The following LRRC9 variants were observed in gnomAD, a reference collection of about 807,000 sequenced individuals.
The protein encoded by LRRC9 is leucine rich repeat containing 9.
LRRC9 carries 122 observed loss-of-function variants against 63.2 expected under a neutral mutation model. That is an observed-to-expected ratio of 1.93 (90% CI 1.67 to 2.24). The LOEUF is 2.24. Among genes scored for constraint, LRRC9 ranks in the 30% most tolerant of loss-of-function variants. The pLI is 0.00. For synonymous variants in LRRC9, 366 were observed against 213.1 expected, an observed-to-expected ratio of 1.72 and a Z score of -6.25; for missense variants, 1,071 against 627.7, an observed-to-expected ratio of 1.71 and a Z score of -7.55.
chr14:60,018,778 C>T (rs192503082), intron 25 of LRRC9, among the ~76,000 whole-genome samples: 20 of 151,846 alleles, frequency 1.3e-4, no homozygotes, highest in Admixed American at 1.1e-3. Context: ...TTATTGCCTC[C>T]GTTATTATTT....
chr14:59,982,169 A>G, intron 16 of LRRC9, 109 bp downstream of exon 16: 1 of 609,680 alleles, frequency 1.6e-6, no homozygotes, highest in Non-Finnish European at 2.9e-6. Context: ...GATGCCAGGT[A>G]CAATGCTACC....
At chr14:60,033,687 T>C (rs2140336868) in intron 29 of LRRC9, among the ~76,000 whole-genome samples, 1 of 152,274 alleles carries the variant, frequency 6.6e-6, no homozygotes. Flanking sequence ...TCTGTATCCA[T>C]GGAAATAAGT....
chr14:60,032,923 C>T (rs531991163), intron 29 of LRRC9, among the ~76,000 whole-genome samples: 135 of 152,070 alleles, frequency 8.9e-4, no homozygotes, highest in African/African-American at 3.0e-3. Flanking sequence ...GCTACTTCCA[C>T]CAAGAAGGAA....
Position 59,974,584 on chromosome 14 carries a change from C to CA in LRRC9, c.1521dup (p.Glu508ArgfsTer7). On this transcript the variant is annotated frameshift_variant, in exon 13 of 32. Coordinates refer to ENST00000445360, the Ensembl canonical transcript of LRRC9. LOFTEE classifies it high-confidence loss of function. ...TTGTTTTTTCTTTGCAGCTGCCTCT[C>CA]AAAAAAGAAGCCATCATTGTTTCTA... 1.6e-6 allele frequency: 1 copy of CA among 643,612 alleles called. No homozygotes were observed. Among genetic ancestry groups the CA allele is most frequent in the South Asian group, 1.8e-5 (1 of 56,884 alleles). The allele number at this position is 643,612 out of a possible 1,614,324, so 39.9% of individuals were successfully genotyped here.
intron 30 of LRRC9, among the ~76,000 whole-genome samples, chr14:60,056,500 A>G (rs968711053): frequency 6.6e-6 from 1 of 152,202 alleles, no homozygotes; most frequent in African/African-American, 2.4e-5. Flanking sequence ...TCTATTTATC[A>G]TATAGTGAAC....
At position 60,058,177 on chromosome 14, in the gene LRRC9, CAG is replaced by C. The variant is rs1894419399; in HGVS notation, c.4276+159_4276+160del. 6.6e-6 allele frequency among the ~76,000 whole-genome samples: 1 copy of C among 152,052 alleles called. No homozygotes were observed. The highest frequency in any genetic ancestry group is 1.5e-5 in the Non-Finnish European group (1 of 67,974). On this transcript the variant is annotated intron_variant, in intron 31 of 31. Coordinates refer to ENST00000445360, the Ensembl canonical transcript of LRRC9. The surrounding 1 kb of genome is among the most constrained non-coding windows in gnomAD (Gnocchi z 4.4). The stretch of plus-strand genomic sequence containing the variant: ...AAGTTTCCTATGGCCATTTTGATTT[CAG>C]AGATTATAGTTTTATTATTTTTAGT...
chr14:60,054,130 G>A, intron 30 of LRRC9: 1 of 273,128 alleles, frequency 3.7e-6, no homozygotes, highest in South Asian at 3.6e-5. Context: ...TCTCCTAACA[G>A]GCTTTCACTG....
intron 13 of LRRC9, among the ~76,000 whole-genome samples, chr14:59,975,752 G>A (rs943297062): frequency 3.3e-5 from 5 of 152,148 alleles, no homozygotes; most frequent in Admixed American, 1.3e-4. Flanking sequence ...GTATTAATGC[G>A]TGGTACCAAA....
chr14:59,994,272 A>C (rs1228135720), intron 17 of LRRC9, among the ~76,000 whole-genome samples: 1 of 152,220 alleles, frequency 6.6e-6, no homozygotes, highest in Non-Finnish European at 1.5e-5. Flanking sequence ...GCTCATCATC[A>C]CTGGCCATCA....
chr14:60,001,817 T>C (rs1889389791), intron 19 of LRRC9, 149 bp from the exon 20 acceptor site: 1 of 434,626 alleles, frequency 2.3e-6, no homozygotes, highest in Non-Finnish European at 4.1e-6. Flanking sequence ...TATCTAGATA[T>C]TGAAAACAAT....
At position 59,986,257 on chromosome 14, in the gene LRRC9, C is replaced by T. The variant is rs577495556; in HGVS notation, c.2211+1033C>T. Among the ~76,000 whole-genome samples the T allele has an allele frequency of 7.0e-4, 106 of 152,286 alleles. No individual in the cohort carries two copies. Among genetic ancestry groups the T allele is most frequent in the Middle Eastern group, 3.4e-3 (1 of 294 alleles). ...AATAATTACATATGTGGTTCCAGAA[C>T]TGCAACCCAGCATCTCCTGTTTACA... On this transcript the variant is annotated intron_variant, in intron 17 of 31. Transcript: ENST00000445360. The surrounding 1 kb of genome is among the most constrained non-coding windows in gnomAD (Gnocchi z 4.7).
chr14:59,928,606 C>G (rs992825193), intron 3 of LRRC9, 120 bp downstream of exon 3: 1 of 418,766 alleles, frequency 2.4e-6, no homozygotes, highest in Non-Finnish European at 4.2e-6. Context: ...TGAACAAAGG[C>G]TAGAAATTGA....
chr14:60,066,094 T>C (rs754513071), downstream of LRRC9, among the ~76,000 whole-genome samples: 1 of 152,028 alleles, frequency 6.6e-6, no homozygotes, highest in Non-Finnish European at 1.5e-5. Flanking sequence ...GCTGGGATTA[T>C]AGGCATGAGC....
chr14:59,962,769 A>G lies in LRRC9; in HGVS notation c.1211+1724A>G, dbSNP rs774509297. Among the ~76,000 whole-genome samples the G allele has an allele frequency of 5.4e-5, 8 of 148,044 alleles. No homozygotes were observed. Among genetic ancestry groups the G allele is most frequent in the Non-Finnish European group, 1.0e-4 (7 of 66,736 alleles). ...ATTGCAGAGGAAACTCTTTGCAACAAGTGGATTAGTGAAAAAAAAAAAAAT... is the reference window on the plus strand; with the variant it reads ...ATTGCAGAGGAAACTCTTTGCAACAGGTGGATTAGTGAAAAAAAAAAAAAT... On this transcript the variant is annotated intron_variant, in intron 10 of 31. Transcript: ENST00000445360. This position sits in a 1 kb window ranked among gnomAD's most constrained non-coding sequence, Gnocchi z 5.1.
Position 59,969,930 on chromosome 14 carries a change from A to G in LRRC9, c.1506+2717A>G, listed in dbSNP as rs117845439. ...CAGCTGCCATTCCTGCATGGTTAAT[A>G]TACTTTATTCTCTTATATAGTGTGT... On this transcript the variant is annotated intron_variant, in intron 12 of 31. Coordinates refer to ENST00000445360, the Ensembl canonical transcript of LRRC9. Among the ~76,000 whole-genome samples, 1,558 of 152,216 alleles carry G rather than the reference A, an allele frequency of 0.01. 75 individuals are homozygous for G. In the East Asian group the frequency reaches 0.17, roughly 17 times the overall value.
At chr14:59,952,307 C>T (rs946877767) in intron 8 of LRRC9, among the ~76,000 whole-genome samples, 4 of 152,192 alleles carry the variant, frequency 2.6e-5, no homozygotes, top group African/African-American at 9.7e-5. Context: ...AAAGGGAACT[C>T]CCTGACCCCT....
chr14:59,959,112 G>C (rs1349965305), intron 8 of LRRC9, among the ~76,000 whole-genome samples: 1 of 152,188 alleles, frequency 6.6e-6, no homozygotes, highest in African/African-American at 2.4e-5. Context: ...GCTGAGATTA[G>C]AGTTAGACAA....
Position 59,964,685 on chromosome 14 carries a change from T to C in LRRC9, c.1212-1904T>C, listed in dbSNP as rs1406886133. On this transcript the variant is annotated intron_variant, in intron 10 of 31. Transcript: ENST00000445360. The surrounding 1 kb of genome is among the most constrained non-coding windows in gnomAD (Gnocchi z 4.4). The stretch of plus-strand genomic sequence containing the variant: ...TTACTTAGGGGAAATTTGACAGATT[T>C]AGGCCCAGCAAATGATCCCTCTATA... Among the ~76,000 whole-genome samples the C allele has an allele frequency of 6.6e-6, 1 of 152,188 alleles. No homozygotes were observed. Among genetic ancestry groups the C allele is most frequent in the African/African-American group, 2.4e-5 (1 of 41,444 alleles).
exon 10 of LRRC9, chr14:59,961,002 G>A (rs1218664986): frequency 1.4e-6 from 1 of 692,842 alleles, no homozygotes; most frequent in Admixed American, 2.1e-5. Flanking sequence ...GTTAGAGACT[G>A]TGGGAAATTT....
Sources: gnomAD v4.1 joint callset for allele counts (sites outside exome capture counted in the v4.1 genomes callset) on GRCh38, gnomAD v4.1.1 for gene constraint, Gnocchi (gnomAD v3.1) non-coding constraint, MANE v1.5 for transcripts, NCBI Gene and HGNC (gene_info 2026-07-23, HGNC 2026-07-21) for gene names.